The following SRGAP3 variants were observed in gnomAD, a reference collection of about 807,000 sequenced individuals.
SRGAP3 encodes the protein SLIT-ROBO Rho GTPase activating protein 3.
A neutral mutation model predicts 121.1 loss-of-function variants in SRGAP3; 39 were observed. The ratio of observed to expected loss-of-function variants is 0.32; its 90% CI spans 0.25 to 0.42. The LOEUF (loss-of-function observed/expected upper bound fraction) is 0.42, where lower values mean the gene tolerates loss of function less well. SRGAP3 is among the 10% of genes least tolerant of loss of function. SRGAP3 has a pLI of 1.00. For synonymous variants in SRGAP3, 601 were observed against 570.0 expected, an observed-to-expected ratio of 1.05 and a Z score of -0.77; for missense variants, 1,213 against 1,470.6, an observed-to-expected ratio of 0.82 and a Z score of 2.86.
chr3:9,252,950 TTGGGGCTCATC>T (rs963529438), upstream of SRGAP3, among the ~76,000 whole-genome samples: 59 of 152,356 alleles, frequency 3.9e-4, no homozygotes, highest in African/African-American at 1.3e-3. Flanking sequence ...TTCCATTTCC[TTGGGGCTCATC>T]TCCTGAATTC....
In SRGAP3 at chr3:9,058,254, A is replaced by T; in HGVS notation, c.1020T>A (p.Asp340Glu). Residue 340 changes from aspartate (D) to glutamate (E), a missense_variant, in exon 7 of 22, where the codon GAT becomes GAA. Asp to Glu is a conservative substitution (Grantham distance 45). Transcript: ENST00000383836. ...LKFEFQPHMG[D>E]EVCQVSAQQP... is the part of the protein sequence containing the mutation. ...CGGGCTCCAGGAGGAAGCCTACCTC[A>T]TCCCCCATGTGGGGCTGGAACTCGA... 1 of 1,614,132 alleles carries T rather than the reference A, an allele frequency of 6.2e-7. No homozygotes were observed. The highest frequency in any genetic ancestry group is 8.5e-7 in the Non-Finnish European group (1 of 1,179,996).
At chr3:9,190,874 C>T (rs1154390) in intron 1 of SRGAP3, among the ~76,000 whole-genome samples, 38,719 of 151,938 alleles carry the variant, frequency 0.25, 5,091 homozygotes, top group Admixed American at 0.33. Context: ...GGGAGGGGAG[C>T]CCCACTGCCT....
intron 1 of SRGAP3, among the ~76,000 whole-genome samples, chr3:9,191,827 G>A (rs1951762111): frequency 1.3e-5 from 2 of 152,154 alleles, no homozygotes; most frequent in Admixed American, 1.3e-4. Flanking sequence ...CCTTGGTACT[G>A]TTTTCACCAC....
At chr3:9,164,672 T>C (rs1321110358) in intron 1 of SRGAP3, among the ~76,000 whole-genome samples, 4 of 152,170 alleles carry the variant, frequency 2.6e-5, no homozygotes, top group Non-Finnish European at 5.9e-5. Context: ...GCATCTGATA[T>C]CACATGCTAA....
At chr3:9,117,844 G>A (rs904877397) in intron 2 of SRGAP3, among the ~76,000 whole-genome samples, 2 of 152,214 alleles carry the variant, frequency 1.3e-5, no homozygotes, top group African/African-American at 4.8e-5. Context: ...GGAGAGCCAG[G>A]TGCGGTGGTT....
intron 1 of SRGAP3, among the ~76,000 whole-genome samples, chr3:9,203,757 TTAAG>T: frequency 6.6e-6 from 1 of 152,344 alleles, no homozygotes; most frequent in South Asian, 2.1e-4. Context: ...TGGGAACTAA[TTAAG>T]TAATAAAGCT....
intron 1 of SRGAP3, among the ~76,000 whole-genome samples, chr3:9,342,742 AC>A (rs1193512803): frequency 3.9e-4 from 60 of 152,348 alleles, no homozygotes; most frequent in African/African-American, 1.4e-3. Flanking sequence ...TACCTGAAAA[AC>A]AGTGAATTGA....
intron 18 of SRGAP3, among the ~76,000 whole-genome samples, chr3:9,009,346 A>G (rs1943242799): frequency 6.6e-6 from 1 of 152,174 alleles, no homozygotes; most frequent in African/African-American, 2.4e-5. Context: ...TTTAAAAAGG[A>G]AAACTATCCC....
At chr3:9,345,487 A>C (rs1205946619) in intron 1 of SRGAP3, among the ~76,000 whole-genome samples, 1 of 151,198 alleles carries the variant, frequency 6.6e-6, no homozygotes, top group Non-Finnish European at 1.5e-5. Context: ...ATCTCAAAAA[A>C]AAAAGAAAAA....
Position 9,311,350 on chromosome 3 carries a change from G to A in SRGAP3, n.442+14660C>T, listed in dbSNP as rs190509337. 3.6e-3 allele frequency among the ~76,000 whole-genome samples: 549 copies of A among 152,254 alleles called. 5 individuals are homozygous for A. The highest frequency in any genetic ancestry group is 0.012 in the African/African-American group (515 of 41,534). Reference sequence around the variant, plus strand: ...TAAAGTGCAAGGTAACGTACTTCAGGAAAAAGTGCACACTCATAAAATACA... The same window carrying A: ...TAAAGTGCAAGGTAACGTACTTCAGAAAAAAGTGCACACTCATAAAATACA... On this transcript the variant is annotated intron_variant and non_coding_transcript_variant, in intron 3 of 3. Coordinates refer to the SRGAP3 transcript ENST00000490889.
At chr3:9,272,104 G>A (rs550349521) in intron 3 of SRGAP3, among the ~76,000 whole-genome samples, 1 of 152,298 alleles carries the variant, frequency 6.6e-6, no homozygotes, top group African/African-American at 2.4e-5. Context: ...TGCCTTTACT[G>A]GGCAGCTAGG....
chr3:9,138,691 C>T (rs1575131056), intron 1 of SRGAP3, among the ~76,000 whole-genome samples: 1 of 152,186 alleles, frequency 6.6e-6, no homozygotes, highest in African/African-American at 2.4e-5. Context: ...TGGAAAATCC[C>T]ACACGTGACC....
intron 1 of SRGAP3, among the ~76,000 whole-genome samples, chr3:9,246,288 C>T (rs1483568389): frequency 6.6e-6 from 1 of 152,234 alleles, no homozygotes; most frequent in Non-Finnish European, 1.5e-5. Context: ...TTGCATCCCA[C>T]TGGCCAGATG....
intron 1 of SRGAP3, among the ~76,000 whole-genome samples, chr3:9,343,510 T>C (rs1249067098): frequency 3.3e-5 from 5 of 152,242 alleles, no homozygotes; most frequent in South Asian, 4.1e-4. Flanking sequence ...TTCTTTTTTA[T>C]AGAAGTCATA....
chr3:9,054,164 T>A (rs1056614110), intron 8 of SRGAP3, among the ~76,000 whole-genome samples: 2 of 152,192 alleles, frequency 1.3e-5, no homozygotes, highest in African/African-American at 4.8e-5. Flanking sequence ...AATGGACCTC[T>A]CCTCTCAGTC....
intron 1 of SRGAP3, among the ~76,000 whole-genome samples, chr3:9,225,879 C>T (rs1035026020): frequency 2.6e-5 from 4 of 151,924 alleles, no homozygotes; most frequent in Non-Finnish European, 4.4e-5. Context: ...AAAAGCCCAG[C>T]GCTGCCAGAC....
chr3:8,990,056 G>T (rs1448066101), intron 21 of SRGAP3, among the ~76,000 whole-genome samples: 1 of 152,234 alleles, frequency 6.6e-6, no homozygotes, highest in East Asian at 1.9e-4. Context: ...CTCCATGTGG[G>T]CAGGGCCTGA....
chr3:9,168,737 T>C (rs1451671178), intron 1 of SRGAP3, among the ~76,000 whole-genome samples: 1 of 152,244 alleles, frequency 6.6e-6, no homozygotes, highest in Non-Finnish European at 1.5e-5. Context: ...CCTGCAGATA[T>C]GAGGAAAGAG....
At chr3:9,321,857 T>G (rs866695250) in intron 3 of SRGAP3, among the ~76,000 whole-genome samples, 7 of 151,770 alleles carry the variant, frequency 4.6e-5, no homozygotes, top group South Asian at 2.1e-4. Context: ...AAAAAATTTT[T>G]GGGTACTAGG....
Sources: gnomAD v4.1 joint callset for allele counts (sites outside exome capture counted in the v4.1 genomes callset) on GRCh38, gnomAD v4.1.1 for gene constraint, MANE v1.5 for transcripts, NCBI Gene and HGNC (gene_info 2026-07-23, HGNC 2026-07-21) for gene names.